The following CCDC125 variants were observed in gnomAD, a reference collection of about 807,000 sequenced individuals.
CCDC125 encodes the protein coiled-coil domain-containing protein 125.
In CCDC125, 43 loss-of-function variants were observed where a neutral mutation model predicts 57.4. That is an observed-to-expected ratio of 0.75 (90% confidence interval 0.59 to 0.97). The LOEUF is 0.97. Among genes scored for constraint, CCDC125 ranks in the 50% least tolerant of loss-of-function variants. The probability of loss-of-function intolerance (pLI) is 0.00; values close to 1 mark genes in which losing one functional copy is unlikely to be tolerated. For synonymous variants in CCDC125, 187 were observed against 195.2 expected (o/e 0.96, Z 0.35); for missense variants, 563 against 595.7 (o/e 0.95, Z 0.57).
At chr5:69,308,113 C>T (rs981269109) in intron 4 of CCDC125, 85 bp from the exon 5 acceptor site, 3 of 959,156 alleles carry the variant, frequency 3.1e-6, no homozygotes, top group Non-Finnish European at 5.0e-6. Context: ...TATTTTAAGG[C>T]AATGGAAAAT....
chr5:69,292,192 C>T lies in CCDC125; in HGVS notation c.1095G>A (p.Glu365=). The T allele has an allele frequency of 6.2e-7, 1 of 1,606,736 alleles. No individual in the cohort carries two copies. Among genetic ancestry groups the T allele is most frequent in the South Asian group, 1.1e-5 (1 of 89,418 alleles). ...TKWMNWKHLK[E]DGFPSPRSKK... ...GCCATTATAATTCATAGTTACCATC[C>T]TCTTTAAGGTGCTTCCAATTCATCC... Residue 365 remains glutamate, a synonymous_variant, in exon 10 of 12, where the codon GAG becomes GAA. Transcript: ENST00000396496.
intron 8 of CCDC125, among the ~76,000 whole-genome samples, chr5:69,296,381 A>G (rs183022386): frequency 1.3e-5 from 2 of 151,784 alleles, no homozygotes; most frequent in Non-Finnish European, 2.9e-5. Context: ...GTGAAATCCC[A>G]TCTCTACTGA....
Position 69,280,588 on chromosome 5 carries a change from C to G in CCDC125, c.*2141G>C, listed in dbSNP as rs1292612403. On this transcript the variant is annotated 3_prime_UTR_variant, in exon 12 of 12. Transcript: ENST00000396496. The stretch of plus-strand genomic sequence containing the variant: ...TACTGTCTGTTCTGCACCTAACTTT[C>G]AAAATACTCCTTTTCTTTTGCAATA... 6.6e-6 allele frequency: 1 copy of G among 152,212 alleles called. No individual in the cohort carries two copies. Among genetic ancestry groups the G allele is most frequent in the Non-Finnish European group, 1.5e-5 (1 of 68,032 alleles). The allele number at this position is 152,212 out of a possible 1,614,324, so 9.4% of individuals were successfully genotyped here.
At chr5:69,290,595 A>G (rs1239030985) in intron 10 of CCDC125, among the ~76,000 whole-genome samples, 1 of 142,974 alleles carries the variant, frequency 7.0e-6, no homozygotes, top group Non-Finnish European at 1.5e-5. Context: ...GAGCCACCGC[A>G]CATGGCCAGG....
chr5:69,301,991 G>A (rs1756534436), intron 7 of CCDC125, among the ~76,000 whole-genome samples: 1 of 151,878 alleles, frequency 6.6e-6, no homozygotes, highest in Non-Finnish European at 1.5e-5. Flanking sequence ...GCTGAGGTGG[G>A]AGGATCTCTT....
rs539118178 is a variant in CCDC125 at position 69,315,167 on chromosome 5, A to T, written c.305-1121T>A. Among the ~76,000 whole-genome samples, 9 of 151,740 alleles carry T rather than the reference A, an allele frequency of 5.9e-5. No individual in the cohort carries two copies. The South Asian group carries it at 1.9e-3, about 32-fold the overall frequency. On this transcript the variant is annotated intron_variant, in intron 2 of 11. Transcript: ENST00000396496. ...GCTACTCAAGAGGCTGAGGCAGGAGAATTGCTTGAACCCAGGAGGCGGAGG... is the reference window on the plus strand; with the variant it reads ...GCTACTCAAGAGGCTGAGGCAGGAGTATTGCTTGAACCCAGGAGGCGGAGG...
chr5:69,331,304 C>A (rs1761387955), intron 1 of CCDC125, among the ~76,000 whole-genome samples: 1 of 151,992 alleles, frequency 6.6e-6, no homozygotes, highest in Non-Finnish European at 1.5e-5. Context: ...GCGATCTCGG[C>A]TCACTGCAAC....
At chr5:69,303,670 T>C (rs983332375) in intron 7 of CCDC125, among the ~76,000 whole-genome samples, 177 bp downstream of exon 7, 3 of 152,206 alleles carry the variant, frequency 2.0e-5, no homozygotes, top group Admixed American at 2.0e-4. Context: ...CAGCCAGGAA[T>C]TGTTCACTTT....
chr5:69,329,722 C>G (rs1318682888), intron 1 of CCDC125, among the ~76,000 whole-genome samples: 1 of 151,840 alleles, frequency 6.6e-6, no homozygotes, highest in Admixed American at 6.6e-5. Context: ...AGGCTGGTCT[C>G]GGACTCCTGA....
downstream of CCDC125, among the ~76,000 whole-genome samples, chr5:69,279,845 C>CT (rs1752382148): frequency 6.6e-6 from 1 of 151,906 alleles, no homozygotes; most frequent in East Asian, 1.9e-4. Flanking sequence ...AGAATACTAC[C>CT]CAAGACTCAG....
intron 4 of CCDC125, chr5:69,308,329 C>A (rs1226029003): frequency 2.7e-6 from 1 of 377,154 alleles, no homozygotes; most frequent in Non-Finnish European, 4.9e-6. Flanking sequence ...TCTGTGTCCC[C>A]ACCCAAATCT....
intron 10 of CCDC125, among the ~76,000 whole-genome samples, chr5:69,287,015 C>T (rs1348048377): frequency 1.4e-5 from 2 of 143,748 alleles, no homozygotes; most frequent in African/African-American, 5.0e-5. Context: ...AAAAAAAAAC[C>T]CAAAAGCAAA....
intron 2 of CCDC125, among the ~76,000 whole-genome samples, chr5:69,316,517 G>T (rs1418539251): frequency 6.6e-6 from 1 of 152,150 alleles, no homozygotes; most frequent in Admixed American, 6.5e-5. Flanking sequence ...ACCTCCAGAA[G>T]GAACGCACCC....
chr5:69,327,731 T>C (rs749416482), intron 1 of CCDC125, among the ~76,000 whole-genome samples: 3 of 152,218 alleles, frequency 2.0e-5, no homozygotes, highest in Non-Finnish European at 4.4e-5. Context: ...ACCACTGATA[T>C]ATTTGAAATC....
At chr5:69,291,868 G>T (rs570627230) in intron 10 of CCDC125, among the ~76,000 whole-genome samples, 1 of 152,016 alleles carries the variant, frequency 6.6e-6, no homozygotes, top group Admixed American at 6.6e-5. Flanking sequence ...TTCCTTCTTG[G>T]CAGTTTCCTT....
intron 1 of CCDC125, among the ~76,000 whole-genome samples, chr5:69,322,857 G>GC (rs1283275805): frequency 1.3e-5 from 2 of 151,636 alleles, no homozygotes; most frequent in African/African-American, 4.8e-5. Flanking sequence ...CACCGCACTG[G>GC]CCCAAAAATT....
At position 69,314,019 on chromosome 5, in the gene CCDC125, T is replaced by G. The variant is rs751774745; in HGVS notation, c.332A>C (p.Glu111Ala). The G allele has an allele frequency of 6.2e-7, 1 of 1,610,132 alleles. No homozygotes were observed. Among genetic ancestry groups the G allele is most frequent in the Admixed American group, 1.7e-5 (1 of 59,998 alleles). Reference sequence around the variant, plus strand: ...TTCATTAAGACATTGCCTTAATTCTTCATTTGACAATTCTGAATTCGAATC... The same window carrying G: ...TTCATTAAGACATTGCCTTAATTCTGCATTTGACAATTCTGAATTCGAATC... The part of the protein sequence containing the change: ...TVDSNSELSN[E>A]ELRQCLNETL... The change falls in exon 3 of 12, where the codon GAA becomes GCA. Residue 111 changes from glutamate to alanine, a missense_variant. Transcript: ENST00000396496.
chr5:69,298,160 C>T (rs1224106697), intron 8 of CCDC125, among the ~76,000 whole-genome samples: 3 of 151,850 alleles, frequency 2.0e-5, no homozygotes, highest in East Asian at 3.9e-4. Context: ...GGATTACAGG[C>T]ATACGCCACT....
At chr5:69,283,062 AAG>A (rs775576277) in intron 11 of CCDC125, 28 bp from the exon 12 acceptor site, 1 of 1,515,684 alleles carries the variant, frequency 6.6e-7, no homozygotes, top group East Asian at 2.3e-5. Flanking sequence ...AAACATGTAC[AAG>A]TTAGTCAATA....
Sources: gnomAD v4.1 joint callset for allele counts (sites outside exome capture counted in the v4.1 genomes callset) on GRCh38, gnomAD v4.1.1 for gene constraint, MANE v1.5 for transcripts, NCBI Gene and HGNC (gene_info 2026-07-23, HGNC 2026-07-21) for gene names.